The following HMGCLL1 variants were observed in gnomAD, a reference collection of about 807,000 sequenced individuals.
The protein encoded by HMGCLL1 is 3-hydroxy-3-methylglutaryl-CoA lyase like 1.
Under a neutral mutation model 39.1 loss-of-function variants are expected in HMGCLL1, and 36 were observed. The ratio of observed to expected loss-of-function variants is 0.92; its 90% CI spans 0.71 to 1.22. The LOEUF is 1.22. Among genes scored for constraint, HMGCLL1 ranks in the 50% most tolerant of loss-of-function variants. HMGCLL1 has a pLI of 0.00. For missense variants in HMGCLL1, 451 were observed against 416.5 expected (o/e 1.08, Z -0.72); for synonymous variants, 149 against 144.0 (o/e 1.03, Z -0.25).
At chr6:55,533,841 G>A (rs1269790425) in intron 3 of HMGCLL1, among the ~76,000 whole-genome samples, 1 of 129,072 alleles carries the variant, frequency 7.7e-6, no homozygotes, top group Non-Finnish European at 1.6e-5. Flanking sequence ...AGCCGAGATC[G>A]CGCCACTGCA....
chr6:55,627,506 T>C, the HMGCLL1 span, among the ~76,000 whole-genome samples: 1 of 151,978 alleles, frequency 6.6e-6, no homozygotes, highest in African/African-American at 2.4e-5. Flanking sequence ...GGACTTGTGA[T>C]GGTTAATACC....
intron 8 of HMGCLL1, among the ~76,000 whole-genome samples, chr6:55,436,599 C>A (rs971524241): frequency 6.6e-6 from 1 of 152,068 alleles, no homozygotes; most frequent in African/African-American, 2.4e-5. Flanking sequence ...TGTTCCCCCT[C>A]AATATGGACT....
chr6:55,620,626 TAC>T, the HMGCLL1 span, among the ~76,000 whole-genome samples: 1,112 of 148,622 alleles, frequency 7.5e-3, 6 homozygotes, highest in Middle Eastern at 0.025. Context: ...TTTGGGGTGT[TAC>T]ACACACACAC....
intron 7 of HMGCLL1, among the ~76,000 whole-genome samples, chr6:55,443,326 G>C (rs147590438): frequency 6.6e-6 from 1 of 152,212 alleles, no homozygotes; most frequent in African/African-American, 2.4e-5. Context: ...GGAATCAGCC[G>C]GATAGATGAG....
intron 1 of HMGCLL1, among the ~76,000 whole-genome samples, chr6:55,568,663 T>A (rs952074234): frequency 7.9e-5 from 12 of 152,156 alleles, no homozygotes; most frequent in Non-Finnish European, 2.9e-5. Flanking sequence ...ATTCTAAACT[T>A]TGTTTTCATT....
the HMGCLL1 span, among the ~76,000 whole-genome samples, chr6:55,596,243 C>T: frequency 6.6e-6 from 1 of 152,178 alleles, no homozygotes; most frequent in Non-Finnish European, 1.5e-5. Context: ...AGGAAAATCG[C>T]TTGAGCCCGG....
chr6:55,603,569 T>G, the HMGCLL1 span, among the ~76,000 whole-genome samples: 1 of 152,236 alleles, frequency 6.6e-6, no homozygotes, highest in East Asian at 1.9e-4. Flanking sequence ...TTGGATTTAT[T>G]CACTCGAGGA....
chr6:55,553,159 C>A (rs144795230), intron 1 of HMGCLL1, among the ~76,000 whole-genome samples: 38,351 of 133,564 alleles, frequency 0.29, 5,300 homozygotes, highest in East Asian at 0.39. Context: ...CTCTCTCTCT[C>A]TATATATATA....
chr6:55,459,229 C>G (rs9968860), intron 7 of HMGCLL1, among the ~76,000 whole-genome samples: 12,228 of 151,920 alleles, frequency 0.08, 551 homozygotes, highest in African/African-American at 0.12. Flanking sequence ...TAAGATGTAG[C>G]CTTTGACTCA....
intron 7 of HMGCLL1, among the ~76,000 whole-genome samples, chr6:55,459,667 C>A (rs953335308): frequency 6.6e-6 from 1 of 151,924 alleles, no homozygotes; most frequent in Non-Finnish European, 1.5e-5. Context: ...TTTCTATGTA[C>A]AATCCACTGA....
chr6:55,609,224 G>A, the HMGCLL1 span, among the ~76,000 whole-genome samples: 1 of 152,160 alleles, frequency 6.6e-6, no homozygotes, highest in Non-Finnish European at 1.5e-5. Flanking sequence ...TAAGTCAACT[G>A]AGCTCCCTGG....
chr6:55,547,390 C>T (rs1247459981), intron 1 of HMGCLL1, among the ~76,000 whole-genome samples: 2 of 151,924 alleles, frequency 1.3e-5, no homozygotes, highest in East Asian at 3.9e-4. Context: ...TCTATATATA[C>T]AATCAACCCT....
chr6:55,661,289 CA>C, the HMGCLL1 span, among the ~76,000 whole-genome samples: 1 of 151,826 alleles, frequency 6.6e-6, no homozygotes, highest in East Asian at 1.9e-4. Flanking sequence ...AAATTGTTGC[CA>C]GTTCCTATTT....
At chr6:55,587,082 C>T in the HMGCLL1 span, among the ~76,000 whole-genome samples, 1 of 152,036 alleles carries the variant, frequency 6.6e-6, no homozygotes, top group Non-Finnish European at 1.5e-5. Context: ...TAAGGATCGC[C>T]ATTCTAACTG....
chr6:55,501,253 T>G (rs2127427892), intron 5 of HMGCLL1, among the ~76,000 whole-genome samples: 1 of 152,046 alleles, frequency 6.6e-6, no homozygotes, highest in African/African-American at 2.4e-5. Context: ...TTTAACATTC[T>G]AAAGCAGAGG....
intron 1 of HMGCLL1, among the ~76,000 whole-genome samples, chr6:55,549,605 A>G (rs569420179): frequency 2.0e-4 from 31 of 152,034 alleles, no homozygotes; most frequent in Admixed American, 9.8e-4. Context: ...TAAAATGCAT[A>G]AATTGTCAGA....
At chr6:55,460,996 T>G (rs1315634486) in intron 7 of HMGCLL1, among the ~76,000 whole-genome samples, 1 of 151,922 alleles carries the variant, frequency 6.6e-6, no homozygotes, top group Non-Finnish European at 1.5e-5. Context: ...GAAAAGCAAC[T>G]TAATGTGTTT....
intron 7 of HMGCLL1, among the ~76,000 whole-genome samples, chr6:55,455,659 G>A (rs995859921): frequency 4.6e-5 from 7 of 152,282 alleles, no homozygotes; most frequent in South Asian, 4.1e-4. Context: ...TATGATTCCA[G>A]AGCCAAATAG....
chr6:55,669,413 A>G, the HMGCLL1 span, among the ~76,000 whole-genome samples: 24 of 152,012 alleles, frequency 1.6e-4, no homozygotes, highest in Admixed American at 9.2e-4. Context: ...AACTTTCTCC[A>G]TGAGATTTAA....
Sources: gnomAD v4.1 joint callset for allele counts (sites outside exome capture counted in the v4.1 genomes callset) on GRCh38, gnomAD v4.1.1 for gene constraint, MANE v1.5 for transcripts, NCBI Gene and HGNC (gene_info 2026-07-23, HGNC 2026-07-21) for gene names.